Variants in CHIC1 observed in about 807,000 individuals in gnomAD.
CHIC1 encodes the protein cysteine-rich hydrophobic domain-containing protein 1.
CHIC1 carries 7 observed loss-of-function variants against 18.5 expected under a neutral mutation model. That is an observed-to-expected ratio of 0.38 (90% CI 0.22 to 0.71). CHIC1 has a LOEUF of 0.71. Among genes scored for constraint, CHIC1 ranks in the 30% least tolerant of loss-of-function variants. CHIC1 has a pLI of 0.49. For synonymous variants in CHIC1, 77 were observed against 73.5 expected, an observed-to-expected ratio of 1.05 and a Z score of -0.25; for missense variants, 159 against 176.9, an observed-to-expected ratio of 0.90 and a Z score of 0.57.
At chrX:73,564,410 A>G (rs1226867254) in intron 1 of CHIC1, among the ~76,000 whole-genome samples, 1 of 111,969 alleles carries the variant, frequency 8.9e-6, no homozygotes, top group East Asian at 2.8e-4. Context: ...AATTTCTTTA[A>G]AATTTATCCA....
intron 3 of CHIC1, among the ~76,000 whole-genome samples, chrX:73,660,949 G>T (rs988230115): frequency 4.5e-5 from 5 of 112,031 alleles, no homozygotes; most frequent in Non-Finnish European, 9.4e-5. Flanking sequence ...AAGAAATCAA[G>T]GGTAAATAAG....
At chrX:73,594,336 A>G (rs1480730790) in intron 3 of CHIC1, among the ~76,000 whole-genome samples, 1 of 110,430 alleles carries the variant, frequency 9.1e-6, no homozygotes, top group Non-Finnish European at 1.9e-5. Flanking sequence ...ATGCCCGGCT[A>G]ATTTTTGTAT....
intron 1 of CHIC1, among the ~76,000 whole-genome samples, chrX:73,569,921 T>C (rs1213141158): frequency 9.0e-6 from 1 of 111,369 alleles, no homozygotes; most frequent in African/African-American, 3.3e-5. Context: ...TAAGCAACAC[T>C]TTAGTTACCA....
chrX:73,684,543 T>C lies in CHIC1; in HGVS notation c.*3538T>C, dbSNP rs1033583208. 3.6e-5 allele frequency: 4 copies of C among 111,492 alleles called. No homozygotes were observed. Among genetic ancestry groups the C allele is most frequent in the Non-Finnish European group, 7.6e-5 (4 of 52,858 alleles). The allele number at this position is 111,492 out of a possible 1,213,427, so 9.2% of individuals were successfully genotyped here. ...GCTCCCAAACAATATTGTATTAAAA[T>C]GTACTATATTGACCTAGGAGGATAT... On this transcript the variant is annotated 3_prime_UTR_variant, in exon 6 of 6. Coordinates refer to ENST00000373502, the MANE Select transcript of CHIC1 (RefSeq NM_001039840.4).
intron 1 of CHIC1, among the ~76,000 whole-genome samples, chrX:73,564,867 GCT>G (rs1397402023): frequency 1.0e-5 from 1 of 98,568 alleles, no homozygotes; most frequent in Non-Finnish European, 2.0e-5. Flanking sequence ...CGCAATCTTG[GCT>G]CACTGCAGCC....
chrX:73,585,962 A>G (rs1301269810), intron 3 of CHIC1, among the ~76,000 whole-genome samples: 1 of 111,577 alleles, frequency 9.0e-6, no homozygotes, highest in Non-Finnish European at 1.9e-5. Context: ...AGGCATCAGT[A>G]TATTCTGGTT....
At chrX:73,617,582 GA>G (rs2057738591) in intron 3 of CHIC1, among the ~76,000 whole-genome samples, 1 of 111,934 alleles carries the variant, frequency 8.9e-6, no homozygotes. Flanking sequence ...ACATGGCTAG[GA>G]AGGCCTCACA....
chrX:73,618,394 T>C (rs1351839246), intron 3 of CHIC1, among the ~76,000 whole-genome samples: 1 of 111,082 alleles, frequency 9.0e-6, no homozygotes, highest in Non-Finnish European at 1.9e-5. Context: ...GACTATCACA[T>C]GAGGGTACGG....
chrX:73,575,493 G>A (rs1227562838), intron 1 of CHIC1, among the ~76,000 whole-genome samples: 1 of 110,275 alleles, frequency 9.1e-6, no homozygotes, highest in Non-Finnish European at 1.9e-5. Context: ...AAGCTATATG[G>A]TAAGCCTATT....
chrX:73,619,856 T>C (rs975238997), intron 3 of CHIC1, among the ~76,000 whole-genome samples: 2 of 110,391 alleles, frequency 1.8e-5, no homozygotes, highest in African/African-American at 6.6e-5. Context: ...ATCCCTCCCC[T>C]TTTCCCCCAC....
At chrX:73,637,295 GT>G (rs371158471) in intron 3 of CHIC1, among the ~76,000 whole-genome samples, 1,292 of 93,918 alleles carry the variant, frequency 0.014, 8 homozygotes, top group Middle Eastern at 0.044. Flanking sequence ...CTGATTTTAA[GT>G]TTTTTTTTTT....
chrX:73,679,446 A>G, intron 4 of CHIC1, 64 bp downstream of exon 4: 1 of 813,101 alleles, frequency 1.2e-6, no homozygotes, highest in Admixed American at 3.1e-5. Flanking sequence ...TGAAAAATAA[A>G]TACAAAATGG....
At chrX:73,591,914 G>C (rs1489715592) in intron 3 of CHIC1, among the ~76,000 whole-genome samples, 1 of 111,546 alleles carries the variant, frequency 9.0e-6, no homozygotes, top group Non-Finnish European at 1.9e-5. Flanking sequence ...TAGCTTTATA[G>C]TAAGTCATGA....
rs1436205359 is a variant in CHIC1 at position 73,685,007 on chromosome X, A to G, written c.*4002A>G. 1 of 111,248 alleles carries G rather than the reference A, an allele frequency of 9.0e-6. No individual in the cohort carries two copies. The highest frequency in any genetic ancestry group is 1.9e-5 in the Non-Finnish European group (1 of 52,935). The allele number at this position is 111,248 out of a possible 1,213,427, so 9.2% of individuals were successfully genotyped here. A position where few individuals can be genotyped will look rare whatever the true frequency, so the allele number is the denominator to read the frequency against. On this transcript the variant is annotated 3_prime_UTR_variant, in exon 6 of 6. Coordinates refer to ENST00000373502, the MANE Select transcript of CHIC1 (RefSeq NM_001039840.4). ...GCTCCAGGCAGGTCATCTTAATTGC[A>G]TGTCTGTCTCTTCTGTAAAATGATG... is the stretch of plus-strand genomic sequence containing the variant.
At chrX:73,598,622 C>G (rs756636029) in intron 3 of CHIC1, among the ~76,000 whole-genome samples, 104 of 108,294 alleles carry the variant, frequency 9.6e-4, no homozygotes, top group African/African-American at 3.3e-3. Context: ...GAGAATGATG[C>G]TTTCCAATTT....
intron 3 of CHIC1, among the ~76,000 whole-genome samples, chrX:73,651,216 C>T (rs2057914671): frequency 9.0e-6 from 1 of 111,406 alleles, no homozygotes; most frequent in African/African-American, 3.3e-5. Context: ...ATGTTATTCC[C>T]ATCAAACTAA....
rs1171294523 is a variant in CHIC1, at chrX:73,665,498, C to T, written c.508-13828C>T. ...TAATTGAGCCTGCAAAACCGAGGCT[C>T]CACTAGCTTTAAGCAGCTGTTTCAA... On this transcript the variant is annotated intron_variant, in intron 3 of 5. Coordinates refer to ENST00000373502, the MANE Select transcript of CHIC1 (RefSeq NM_001039840.4). 3.6e-5 allele frequency among the ~76,000 whole-genome samples: 4 copies of T among 111,345 alleles called. No individual in the cohort carries two copies. In the Admixed American group the frequency reaches 3.8e-4, roughly 11 times the overall value.
intron 3 of CHIC1, among the ~76,000 whole-genome samples, chrX:73,611,266 G>A (rs183652778): frequency 2.7e-4 from 29 of 107,779 alleles, no homozygotes; most frequent in Admixed American, 4.9e-4. Flanking sequence ...GAGAACATGC[G>A]GTGTTTGGTT....
chrX:73,580,469 G>A (rs1293753950), intron 2 of CHIC1, among the ~76,000 whole-genome samples: 1 of 110,479 alleles, frequency 9.1e-6, no homozygotes, highest in East Asian at 2.8e-4. Context: ...AACACTAAAA[G>A]GAATTCTGAA....
Sources: allele counts gnomAD v4.1 joint callset (sites outside exome capture counted in the v4.1 genomes callset), GRCh38; gene constraint gnomAD v4.1.1; transcripts MANE v1.5; gene names NCBI Gene and HGNC (gene_info 2026-07-23, HGNC 2026-07-21).